Variants in LRRC7 observed in about 807,000 individuals in gnomAD.
LRRC7 encodes the protein leucine-rich repeat-containing protein 7.
In LRRC7, 23 loss-of-function variants were observed where a neutral mutation model predicts 175.7. The ratio of observed to expected loss-of-function variants is 0.13; its 90% CI spans 0.09 to 0.19. The LOEUF (loss-of-function observed/expected upper bound fraction) is 0.19. Ranked by LOEUF, LRRC7 falls within the 10% of genes least tolerant of loss-of-function variation. The probability of loss-of-function intolerance (pLI) is 1.00; values close to 1 mark genes in which losing one functional copy is unlikely to be tolerated. For synonymous variants in LRRC7, 685 were observed against 680.9 expected (o/e 1.01, Z -0.09); for missense variants, 1,354 against 1,904.7 (o/e 0.71, Z 5.38).
intron 25 of LRRC7, among the ~76,000 whole-genome samples, chr1:70,095,846 C>T (rs1664347223): frequency 6.6e-6 from 1 of 152,026 alleles, no homozygotes; most frequent in South Asian, 2.1e-4. Context: ...ATTAGCTTAT[C>T]AATAAGATCT....
intron 26 of LRRC7, among the ~76,000 whole-genome samples, chr1:70,114,436 G>A (rs191358909): frequency 1.6e-4 from 25 of 152,232 alleles, no homozygotes; most frequent in Admixed American, 1.0e-3. Context: ...GGCAGAGGCA[G>A]GAGGATTGCT....
chr1:69,858,041 G>C (rs1262604817), intron 7 of LRRC7, among the ~76,000 whole-genome samples: 1 of 152,124 alleles, frequency 6.6e-6, no homozygotes, highest in East Asian at 1.9e-4. Flanking sequence ...ATGGTGCTGG[G>C]AAAACTGGCT....
At chr1:69,682,681 T>C (rs990647574) in intron 2 of LRRC7, among the ~76,000 whole-genome samples, 2 of 152,244 alleles carry the variant, frequency 1.3e-5, no homozygotes, top group Admixed American at 6.5e-5. Flanking sequence ...TCTGCCAACA[T>C]CTTGATCTTG....
chr1:69,760,977 A>G (rs1356616195), intron 3 of LRRC7, among the ~76,000 whole-genome samples: 1 of 151,740 alleles, frequency 6.6e-6, no homozygotes, highest in African/African-American at 2.4e-5. Flanking sequence ...ACACACACAC[A>G]CACACGTGCA....
At chr1:69,582,996 A>C (rs1646259486) in intron 1 of LRRC7, among the ~76,000 whole-genome samples, 1 of 152,098 alleles carries the variant, frequency 6.6e-6, no homozygotes, top group South Asian at 2.1e-4. Context: ...TTTAGATATT[A>C]ATCTAAATAT....
chr1:69,585,924 T>A (rs958952037), intron 1 of LRRC7, among the ~76,000 whole-genome samples: 1 of 152,220 alleles, frequency 6.6e-6, no homozygotes, highest in African/African-American at 2.4e-5. Context: ...CTGCTTTTGC[T>A]TCTTTTATGT....
chr1:69,984,626 C>A (rs546499417), intron 9 of LRRC7, among the ~76,000 whole-genome samples: 1 of 152,188 alleles, frequency 6.6e-6, no homozygotes, highest in African/African-American at 2.4e-5. Flanking sequence ...ATCCTTCCCT[C>A]TCCTCAGAAA....
At chr1:69,911,356 A>T (rs1646524638) in intron 7 of LRRC7, among the ~76,000 whole-genome samples, 1 of 152,168 alleles carries the variant, frequency 6.6e-6, no homozygotes, top group Non-Finnish European at 1.5e-5. Context: ...CCCTGTTGTA[A>T]GTTCTTTGAG....
chr1:69,587,452 GA>G (rs1646446995), intron 1 of LRRC7, among the ~76,000 whole-genome samples: 1 of 152,052 alleles, frequency 6.6e-6, no homozygotes, highest in South Asian at 2.1e-4. Context: ...GAGATTTTGT[GA>G]AATACAGGCC....
intron 1 of LRRC7, among the ~76,000 whole-genome samples, chr1:69,657,740 CT>C (rs1656865136): frequency 1.3e-5 from 2 of 151,904 alleles, no homozygotes; most frequent in Admixed American, 1.3e-4. Context: ...AATTTTCTTC[CT>C]ATTTTAAAAT....
intron 10 of LRRC7, among the ~76,000 whole-genome samples, chr1:69,993,385 G>A (rs1654624038): frequency 6.6e-6 from 1 of 152,156 alleles, no homozygotes; most frequent in African/African-American, 2.4e-5. Context: ...AATGTGAAGT[G>A]CAGCCACAGC....
intron 1 of LRRC7, among the ~76,000 whole-genome samples, chr1:69,642,380 T>A (rs1482668681): frequency 6.6e-6 from 1 of 151,882 alleles, no homozygotes; most frequent in African/African-American, 2.4e-5. Context: ...TAATGTGTAA[T>A]ATTTCCCAAG....
At chr1:70,018,015 A>G (rs978197326) in intron 14 of LRRC7, among the ~76,000 whole-genome samples, 37 of 152,232 alleles carry the variant, frequency 2.4e-4, no homozygotes, top group African/African-American at 8.7e-4. Flanking sequence ...ACAAACTGAT[A>G]TCAAAAATCC....
chr1:70,081,224 G>C (rs1046285811), intron 24 of LRRC7, among the ~76,000 whole-genome samples: 3 of 152,176 alleles, frequency 2.0e-5, no homozygotes, highest in African/African-American at 7.2e-5. Context: ...AATATATTGA[G>C]AATATCACTA....
At chr1:70,059,898 T>C (rs762745247) in intron 23 of LRRC7, among the ~76,000 whole-genome samples, 4 of 151,962 alleles carry the variant, frequency 2.6e-5, no homozygotes, top group Admixed American at 1.3e-4. Flanking sequence ...ACCAATGTCA[T>C]TTAAAATAAG....
intron 2 of LRRC7, among the ~76,000 whole-genome samples, chr1:69,751,502 T>C (rs993658273): frequency 2.2e-4 from 33 of 152,066 alleles, no homozygotes; most frequent in Non-Finnish European, 8.8e-5. Flanking sequence ...AAAAGAGGAC[T>C]GCAAGTACAG....
chr1:69,997,836 C>T (rs1315211993), intron 11 of LRRC7, among the ~76,000 whole-genome samples: 1 of 152,094 alleles, frequency 6.6e-6, no homozygotes, highest in Non-Finnish European at 1.5e-5. Flanking sequence ...CATCAATGTT[C>T]ATCAAGGATA....
Position 70,128,217 on chromosome 1 carries a change from C to T in LRRC7, c.*6330C>T, listed in dbSNP as rs896740717. Reference sequence around the variant, plus strand: ...CCTCAAAAGATCCACCTGCCTCGACCTCCCAAAGTGCTGGGATTACAGGCG... The same window carrying T: ...CCTCAAAAGATCCACCTGCCTCGACTTCCCAAAGTGCTGGGATTACAGGCG... On this transcript the variant is annotated 3_prime_UTR_variant, in exon 27 of 27. Coordinates refer to ENST00000651989, the MANE Select transcript of LRRC7 (RefSeq NM_001370785.2). Among the ~76,000 whole-genome samples, 5 of 152,210 alleles carry T rather than the reference C, an allele frequency of 3.3e-5. No homozygotes were observed. The highest frequency in any genetic ancestry group is 6.5e-5 in the Admixed American group (1 of 15,280).
intron 1 of LRRC7, among the ~76,000 whole-genome samples, chr1:69,608,856 CTCTCTCTCTCTATATATA>C (rs773471755): frequency 0.022 from 626 of 28,990 alleles, 1 homozygote; most frequent in African/African-American, 0.034. Flanking sequence ...CTCTCTCTCT[CTCTCTCTCTCTATATATA>C]TATATATATA....
Sources: allele counts gnomAD v4.1 joint callset (sites outside exome capture counted in the v4.1 genomes callset), GRCh38; gene constraint gnomAD v4.1.1; transcripts MANE v1.5; gene names NCBI Gene and HGNC (gene_info 2026-07-23, HGNC 2026-07-21).